Variants in FBXW2 observed in about 807,000 individuals in gnomAD.
FBXW2 encodes F-box and WD repeat domain containing 2.
Under a neutral mutation model 46.0 loss-of-function variants are expected in FBXW2, and 12 were observed. The observed-to-expected ratio is 0.26, with a 90% CI of 0.17 to 0.42. The LOEUF (loss-of-function observed/expected upper bound fraction) is 0.42. FBXW2 is among the 10% of genes least tolerant of loss of function. The pLI, the probability that FBXW2 is intolerant of heterozygous loss-of-function variation, is 1.00. For synonymous variants in FBXW2, 203 were observed against 209.6 expected, an observed-to-expected ratio of 0.97 and a Z score of 0.27; for missense variants, 360 against 537.0, an observed-to-expected ratio of 0.67 and a Z score of 3.26.
intron 5 of FBXW2, among the ~76,000 whole-genome samples, chr9:120,773,682 C>T (rs1364998845): frequency 3.3e-5 from 5 of 152,192 alleles, no homozygotes; most frequent in Non-Finnish European, 5.9e-5. Context: ...GGATTGCAGA[C>T]TCAACTGAAA....
chr9:120,792,376 A>G (rs2044864514), intron 2 of FBXW2: 1 of 152,294 alleles, frequency 6.6e-6, no homozygotes, highest in Non-Finnish European at 1.5e-5. Flanking sequence ...AGAGGCGCTG[A>G]AAATGTATAC....
At chr9:120,767,938 T>A (rs908260890) in intron 7 of FBXW2, among the ~76,000 whole-genome samples, 3 of 152,220 alleles carry the variant, frequency 2.0e-5, no homozygotes, top group Admixed American at 6.5e-5. Context: ...CCAACAGCTT[T>A]CTACTGACCT....
At chr9:120,792,176 C>A (rs2044858245) in intron 2 of FBXW2, among the ~76,000 whole-genome samples, 1 of 152,060 alleles carries the variant, frequency 6.6e-6, no homozygotes, top group Non-Finnish European at 1.5e-5. Context: ...CAATATTTTG[C>A]CCAGTACCCA....
intron 2 of FBXW2, chr9:120,792,836 C>A (rs2044878264): frequency 1.5e-6 from 2 of 1,368,812 alleles, no homozygotes; most frequent in Non-Finnish European, 2.0e-6. Context: ...TATTACTTAG[C>A]ATTAATATTG....
At chr9:120,776,339 C>T (rs2044496454) in intron 4 of FBXW2, 113 bp from the exon 5 acceptor site, 9 of 1,213,876 alleles carry the variant, frequency 7.4e-6, no homozygotes, top group African/African-American at 1.5e-5. Flanking sequence ...CCAGAGACAC[C>T]GTAAGAATGA....
chr9:120,772,060 G>GGA (rs1190083718), intron 6 of FBXW2, among the ~76,000 whole-genome samples: 4 of 51,312 alleles, frequency 7.8e-5, no homozygotes, highest in African/African-American at 2.8e-4. Flanking sequence ...CCCTGTCTCA[G>GGA]AAAAAAAAAA....
chr9:120,778,621 G>A, intron 3 of FBXW2, 76 bp from the exon 4 acceptor site: 1 of 1,291,856 alleles, frequency 7.7e-7, no homozygotes, highest in Non-Finnish European at 1.1e-6. Context: ...AAATCATGGT[G>A]TTCTTCAAGA....
chr9:120,785,194 A>G (rs533398543), intron 3 of FBXW2, among the ~76,000 whole-genome samples: 218 of 151,984 alleles, frequency 1.4e-3, no homozygotes, highest in Middle Eastern at 0.01. Flanking sequence ...TTTTTTGTAG[A>G]GATGGGATTT....
chr9:120,766,909 G>A (rs1443062370), intron 7 of FBXW2, among the ~76,000 whole-genome samples: 4 of 152,206 alleles, frequency 2.6e-5, no homozygotes, highest in African/African-American at 9.6e-5. Flanking sequence ...CTGAGTGCTG[G>A]CTGGGCCCCT....
At position 120,793,228 on chromosome 9, in the gene FBXW2, G is replaced by A; in HGVS notation, c.-100C>T. On this transcript the variant is annotated 5_prime_UTR_variant, in exon 2 of 8. Transcript: ENST00000608872. The stretch of plus-strand genomic sequence containing the variant: ...ACGCTCGGACCGCCAGAGCCTTGCA[G>A]CGGCCGGGTCCGCTCCGCAGCCATG... 1.9e-6 allele frequency: 1 copy of A among 532,536 alleles called. No individual in the cohort carries two copies. The allele number at this position is 532,536 out of a possible 1,614,324, so 33.0% of individuals were successfully genotyped here.
At chr9:120,787,313 G>A (rs900861651) in intron 3 of FBXW2, among the ~76,000 whole-genome samples, 22 of 152,218 alleles carry the variant, frequency 1.4e-4, no homozygotes, top group Admixed American at 2.0e-4. Context: ...ACAGGCATGA[G>A]CCACTGCGCC....
chr9:120,771,434 T>C lies in FBXW2; in HGVS notation c.990A>G (p.Pro330=). The C allele has an allele frequency of 6.2e-7, 1 of 1,614,208 alleles. No individual in the cohort carries two copies. Among genetic ancestry groups the C allele is most frequent in the Non-Finnish European group, 8.5e-7 (1 of 1,180,010 alleles). Reference sequence around the variant, plus strand: ...TGTATTTGCCATCAAAATGAAGTCTTGGCTGCAGGCAGATACTTCTATCCT... The same window carrying C: ...TGTATTTGCCATCAAAATGAAGTCTCGGCTGCAGGCAGATACTTCTATCCT... ...VSEDRSICLQ[P]RLHFDGKYIV... Residue 330 remains proline, a synonymous_variant, in exon 7 of 8, where the codon CCA becomes CCG. Transcript: ENST00000608872.
In FBXW2 at chr9:120,785,019, T is replaced by G. The variant is rs1588047316; in HGVS notation, c.490+2750A>C. On this transcript the variant is annotated intron_variant, in intron 3 of 7. Transcript: ENST00000608872. ...ATGATACTGCATCTTAATATTTTTT[T>G]TTTTTTTGAGACAGGGTTTTGCTGT... Among the ~76,000 whole-genome samples, 4 of 152,084 alleles carry G rather than the reference T, an allele frequency of 2.6e-5. No individual in the cohort carries two copies. The Middle Eastern group carries it at 0.014, about 517-fold the overall frequency.
chr9:120,778,915 G>A (rs1407223886), intron 3 of FBXW2, among the ~76,000 whole-genome samples: 2 of 152,220 alleles, frequency 1.3e-5, no homozygotes, highest in East Asian at 1.9e-4. Context: ...ATGACTGCAT[G>A]TTTACACTTG....
chr9:120,759,619 T>C lies in FBXW2; in HGVS notation c.*4940A>G, dbSNP rs1480286206. On this transcript the variant is annotated 3_prime_UTR_variant, in exon 8 of 8. Coordinates refer to ENST00000608872, the MANE Select transcript of FBXW2 (RefSeq NM_012164.4). ...ATACTAAGTCTAAATCAGTGAAATA[T>C]GCCTGTTCACAATCTGAGTACAAAG... 1.3e-5 allele frequency: 2 copies of C among 152,226 alleles called. No homozygotes were observed. The highest frequency in any genetic ancestry group is 2.9e-5 in the Non-Finnish European group (2 of 68,036). 9.4% of individuals were successfully genotyped at this position (152,226 alleles called of 1,614,324 possible). A position where few individuals can be genotyped will look rare whatever the true frequency, so the allele number is the denominator to read the frequency against.
In FBXW2 at chr9:120,761,248, C is replaced by T. The variant is rs1241072940; in HGVS notation, c.*3311G>A. 6.6e-6 allele frequency: 1 copy of T among 152,222 alleles called. No homozygotes were observed. The highest frequency in any genetic ancestry group is 6.5e-5 in the Admixed American group (1 of 15,284). 9.4% of individuals were successfully genotyped at this position (152,222 alleles called of 1,614,324 possible). The stretch of plus-strand genomic sequence containing the variant: ...CTATCAGAAACTTCACACATCCACT[C>T]AGCTCTCCTGGATCCCTGTCCACAC... On this transcript the variant is annotated 3_prime_UTR_variant, in exon 8 of 8. Transcript: ENST00000608872.
At chr9:120,766,743 A>AG (rs1255145999) in intron 7 of FBXW2, among the ~76,000 whole-genome samples, 3 of 152,232 alleles carry the variant, frequency 2.0e-5, no homozygotes, top group Non-Finnish European at 4.4e-5. Flanking sequence ...TACAGGCGTG[A>AG]GCCACTGCAC....
chr9:120,790,204 C>T (rs1287842080), intron 2 of FBXW2, among the ~76,000 whole-genome samples: 2 of 152,212 alleles, frequency 1.3e-5, no homozygotes, highest in Admixed American at 6.5e-5. Flanking sequence ...CCAGGCTGGG[C>T]ACAGTGGCTC....
At chr9:120,782,860 C>G (rs1267211066) in intron 3 of FBXW2, among the ~76,000 whole-genome samples, 1 of 151,830 alleles carries the variant, frequency 6.6e-6, no homozygotes, top group Non-Finnish European at 1.5e-5. Context: ...CAAAAGAAAA[C>G]CCCCCCAAAA....
Sources: allele counts gnomAD v4.1 joint callset (sites outside exome capture counted in the v4.1 genomes callset), GRCh38; gene constraint gnomAD v4.1.1; transcripts MANE v1.5; gene names NCBI Gene and HGNC (gene_info 2026-07-23, HGNC 2026-07-21).